The following MMS22L variants were observed in gnomAD, a reference collection of about 807,000 sequenced individuals.
MMS22L encodes MMS22 like, DNA repair protein, also known as protein MMS22-like.
MMS22L carries 74 observed loss-of-function variants against 159.1 expected under a neutral mutation model. The ratio of observed to expected loss-of-function variants is 0.47; its 90% CI spans 0.39 to 0.56. The LOEUF (loss-of-function observed/expected upper bound fraction) is 0.56. Among genes scored for constraint, MMS22L ranks in the 20% least tolerant of loss-of-function variants. The pLI is 0.00. For missense variants in MMS22L, 1,351 were observed against 1,422.1 expected, an observed-to-expected ratio of 0.95 and a Z score of 0.80; for synonymous variants, 517 against 506.9, an observed-to-expected ratio of 1.02 and a Z score of -0.27.
chr6:97,178,683 A>G (rs1008520923), intron 17 of MMS22L, 98 bp from the exon 18 acceptor site: 2 of 530,552 alleles, frequency 3.8e-6, no homozygotes, highest in Non-Finnish European at 6.1e-6. Flanking sequence ...ATGAGAAGTA[A>G]TACAGTATTC....
At chr6:97,209,764 GATA>G (rs1481378149) in intron 14 of MMS22L, among the ~76,000 whole-genome samples, 6 of 151,798 alleles carry the variant, frequency 4.0e-5, no homozygotes, top group Non-Finnish European at 8.8e-5. Context: ...GTAAATATTT[GATA>G]ATATTTGTAG....
rs555637059 is a variant in MMS22L at position 97,142,192 on chromosome 6, T to C, written c.*4614A>G. The C allele has an allele frequency of 5.3e-5, 8 of 151,846 alleles. No homozygotes were observed. The East Asian group carries it at 1.4e-3, about 26-fold the overall frequency. The allele number at this position is 151,846 out of a possible 1,614,324, so 9.4% of individuals were successfully genotyped here. On this transcript the variant is annotated 3_prime_UTR_variant, in exon 25 of 25. Transcript: ENST00000683635. ...ACATATATACTTTTATTATTATATA[T>C]AATTTTATCATATGCACAAATAACT... is the stretch of plus-strand genomic sequence containing the variant.
At chr6:97,281,532 C>T (rs545719269) in intron 2 of MMS22L, among the ~76,000 whole-genome samples, 170 bp from the exon 3 acceptor site, 143 of 152,204 alleles carry the variant, frequency 9.4e-4, no homozygotes, top group Non-Finnish European at 1.8e-3. Flanking sequence ...TGTATTAAAA[C>T]GTCAATCTTC....
At chr6:97,159,955 T>TTG (rs1284780343) in intron 22 of MMS22L, among the ~76,000 whole-genome samples, 2 of 148,148 alleles carry the variant, frequency 1.3e-5, no homozygotes, top group African/African-American at 5.0e-5. Flanking sequence ...TCTGTTTTTT[T>TTG]TTTTTTTTTT....
intron 13 of MMS22L, chr6:97,230,583 T>C (rs1272150228): frequency 6.6e-6 from 1 of 152,178 alleles, no homozygotes; most frequent in Non-Finnish European, 1.5e-5. Context: ...AGTATGTGTC[T>C]AATAGACTTG....
intron 19 of MMS22L, 133 bp from the exon 20 acceptor site, chr6:97,168,373 G>T: frequency 3.0e-6 from 2 of 676,302 alleles, no homozygotes; most frequent in Non-Finnish European, 4.9e-6. Flanking sequence ...ACATATAGTA[G>T]AAGTAACAAA....
At chr6:97,152,826 A>C (rs1801452227) in intron 22 of MMS22L, among the ~76,000 whole-genome samples, 1 of 151,708 alleles carries the variant, frequency 6.6e-6, no homozygotes, top group Non-Finnish European at 1.5e-5. Flanking sequence ...TTTTTAAAAA[A>C]AATGAGTATT....
intron 11 of MMS22L, among the ~76,000 whole-genome samples, chr6:97,236,550 T>G (rs1380262678): frequency 6.6e-6 from 1 of 152,160 alleles, no homozygotes; most frequent in African/African-American, 2.4e-5. Context: ...TAAAACAAGT[T>G]AAGGGCTATG....
chr6:97,189,579 AGAAT>A (rs1562437812), intron 14 of MMS22L, among the ~76,000 whole-genome samples: 11 of 113,262 alleles, frequency 9.7e-5, no homozygotes, highest in South Asian at 2.9e-4. Flanking sequence ...AAAAAAAAAA[AGAAT>A]AATTAATTAA....
chr6:97,270,468 A>G (rs991756563), intron 6 of MMS22L: 6 of 305,796 alleles, frequency 2.0e-5, no homozygotes, highest in Non-Finnish European at 3.2e-5. Flanking sequence ...AAAAGAGGTG[A>G]AAAAATTTAC....
chr6:97,158,676 T>C (rs576458864), intron 22 of MMS22L, among the ~76,000 whole-genome samples: 2 of 152,190 alleles, frequency 1.3e-5, no homozygotes, highest in African/African-American at 2.4e-5. Flanking sequence ...GTCTGAGAGA[T>C]AGTTTGTTGT....
chr6:97,235,213 T>C (rs1033379934), intron 11 of MMS22L, among the ~76,000 whole-genome samples: 2 of 152,204 alleles, frequency 1.3e-5, no homozygotes, highest in African/African-American at 4.8e-5. Context: ...TGGGATTTGC[T>C]GGTAAATTAC....
chr6:97,277,978 G>A (rs768933909), intron 4 of MMS22L, among the ~76,000 whole-genome samples: 3 of 152,102 alleles, frequency 2.0e-5, no homozygotes, highest in Non-Finnish European at 2.9e-5. Context: ...ATTACTTGAC[G>A]TAAGACCCAC....
chr6:97,254,283 A>C (rs1813543105), intron 10 of MMS22L: 2 of 240,280 alleles, frequency 8.3e-6, no homozygotes, highest in Admixed American at 1.0e-4. Context: ...CAAAGCTAGA[A>C]AGGTTTAAGT....
intron 9 of MMS22L, among the ~76,000 whole-genome samples, chr6:97,256,746 T>C (rs1288654007): frequency 6.6e-6 from 1 of 152,078 alleles, no homozygotes; most frequent in Non-Finnish European, 1.5e-5. Flanking sequence ...AGGTCAGGTG[T>C]TCGAGACCAA....
chr6:97,226,614 TCTATATACACATATGTGTATATC>T (rs1810276107), intron 14 of MMS22L, among the ~76,000 whole-genome samples: 1 of 151,858 alleles, frequency 6.6e-6, no homozygotes, highest in African/African-American at 2.4e-5. Flanking sequence ...ATGTATATAT[TCTATATACACATATGTGTATATC>T]CTATACATTC....
intron 9 of MMS22L, among the ~76,000 whole-genome samples, chr6:97,256,793 A>T (rs1813862973): frequency 6.6e-6 from 1 of 152,116 alleles, no homozygotes; most frequent in South Asian, 2.1e-4. Context: ...TCTACAAAAA[A>T]TAAATTAGCC....
intron 6 of MMS22L, chr6:97,272,318 T>A (rs1815828230): frequency 6.5e-6 from 1 of 154,620 alleles, no homozygotes; most frequent in African/African-American, 2.4e-5. Flanking sequence ...AAGCTGATCT[T>A]GAATCTTACT....
chr6:97,224,231 A>G (rs922834576), intron 14 of MMS22L, among the ~76,000 whole-genome samples: 3 of 152,228 alleles, frequency 2.0e-5, no homozygotes, highest in Non-Finnish European at 2.9e-5. Flanking sequence ...TGTAAACTTA[A>G]CTTCACTTTA....
Sources: allele counts gnomAD v4.1 joint callset (sites outside exome capture counted in the v4.1 genomes callset), GRCh38; gene constraint gnomAD v4.1.1; transcripts MANE v1.5; gene names NCBI Gene and HGNC (gene_info 2026-07-23, HGNC 2026-07-21).